The following KDM1A variants were observed in gnomAD, a reference collection of about 807,000 sequenced individuals.
KDM1A encodes the protein lysine demethylase 1A, also known as lysine-specific histone demethylase 1A.
KDM1A carries 49 observed loss-of-function variants against 109.4 expected under a neutral mutation model. That is an observed-to-expected ratio of 0.45 (90% confidence interval 0.36 to 0.57). The LOEUF (loss-of-function observed/expected upper bound fraction) is 0.57. KDM1A is among the 20% of genes least tolerant of loss of function. The pLI is 0.00. For synonymous variants in KDM1A, 380 were observed against 415.4 expected (o/e 0.91, Z 1.04); for missense variants, 668 against 1,116.6 (o/e 0.60, Z 5.73).
At chr1:23,039,181 A>C (rs1642236099) in intron 2 of KDM1A, among the ~76,000 whole-genome samples, 1 of 152,032 alleles carries the variant, frequency 6.6e-6, no homozygotes, top group Non-Finnish European at 1.5e-5. Context: ...TTTCCATTTA[A>C]TTGTATTAGC....
At chr1:23,027,413 C>CTTTT (rs34416518) in intron 1 of KDM1A, among the ~76,000 whole-genome samples, 5 of 115,296 alleles carry the variant, frequency 4.3e-5, no homozygotes, top group Non-Finnish European at 6.7e-5. Context: ...GTTTTGTTTG[C>CTTTT]TTTTTTTTTT....
chr1:23,082,631 A>G (rs1342778593), intron 20 of KDM1A: 3 of 353,468 alleles, frequency 8.5e-6, no homozygotes, highest in Admixed American at 8.5e-5. Flanking sequence ...TCCCTAAAAA[A>G]CAAAACCATT....
At chr1:23,063,869 C>G (rs958688563) in intron 9 of KDM1A, among the ~76,000 whole-genome samples, 5 of 152,110 alleles carry the variant, frequency 3.3e-5, no homozygotes, top group Non-Finnish European at 7.4e-5. Context: ...GGGAAGACAA[C>G]AGTCTCTATA....
chr1:23,071,946 C>T lies in KDM1A; in HGVS notation c.1549-178C>T, dbSNP rs532425923. 3.3e-5 allele frequency among the ~76,000 whole-genome samples: 5 copies of T among 152,194 alleles called. No homozygotes were observed. In the South Asian group the frequency reaches 1.0e-3, roughly 32 times the overall value. ...TAATATTCCAGGCCCCCAACTGTAA[C>T]TTGTCTCCAAAAACAAAAATCTCTC... On this transcript the variant is annotated intron_variant, in intron 13 of 20. Coordinates refer to ENST00000400181, the MANE Select transcript of KDM1A (RefSeq NM_001009999.3).
intron 16 of KDM1A, 67 bp from the exon 17 acceptor site, chr1:23,078,923 A>G: frequency 7.7e-7 from 1 of 1,294,796 alleles, no homozygotes; most frequent in East Asian, 2.3e-5. Flanking sequence ...GTTGTACACT[A>G]AATGTTCAGT....
intron 19 of KDM1A, chr1:23,081,891 T>C: frequency 2.4e-6 from 1 of 419,718 alleles, no homozygotes; most frequent in African/African-American, 2.0e-5. Flanking sequence ...CTCTTGGTAC[T>C]TTTTCGTGTT....
chr1:23,039,724 C>A (rs952528022), intron 2 of KDM1A, among the ~76,000 whole-genome samples: 51 of 152,304 alleles, frequency 3.3e-4, no homozygotes, highest in African/African-American at 1.2e-3. Context: ...GTTTCACTGC[C>A]TCGCAGTCTA....
chr1:23,074,840 T>C (rs2124527856), intron 15 of KDM1A, among the ~76,000 whole-genome samples: 1 of 152,358 alleles, frequency 6.6e-6, no homozygotes, highest in South Asian at 2.1e-4. Flanking sequence ...GAAAATTAAT[T>C]GGCATGTAAG....
intron 2 of KDM1A, among the ~76,000 whole-genome samples, chr1:23,036,946 A>G (rs1008604151): frequency 1.3e-5 from 2 of 152,166 alleles, no homozygotes; most frequent in Non-Finnish European, 2.9e-5. Context: ...GCTGGATTCT[A>G]AGGGTTCAAA....
In KDM1A at chr1:23,055,155, C is replaced by T. The variant is rs754447616; in HGVS notation, c.877C>T (p.Leu293=). The T allele has an allele frequency of 8.1e-6, 13 of 1,600,032 alleles. No individual in the cohort carries two copies. The African/African-American group carries it at 1.6e-4, about 20-fold the overall frequency. ...NFGIYKRIKP[L]PTKKTGKVII... is the part of the protein sequence containing the mutation. ...CGGCATCTATAAGAGGATAAAACCC[C>T]TACCAAGTAAGGACCTCCTACCTGG... The change falls in exon 6 of 21, where the codon CTA becomes TTA. Residue 293 remains leucine, a synonymous_variant. Transcript: ENST00000400181.
intron 1 of KDM1A, among the ~76,000 whole-genome samples, chr1:23,022,213 T>A (rs554326499): frequency 2.0e-5 from 3 of 152,296 alleles, no homozygotes; most frequent in East Asian, 3.9e-4. Flanking sequence ...TTATGTTAAT[T>A]CTAGGTTTTA....
At chr1:23,039,401 A>G (rs934346693) in intron 2 of KDM1A, among the ~76,000 whole-genome samples, 2 of 152,208 alleles carry the variant, frequency 1.3e-5, no homozygotes, top group Non-Finnish European at 2.9e-5. Context: ...AATTATTTCA[A>G]TAGCCTTTGA....
At chr1:23,031,297 C>G (rs1641973601) in intron 2 of KDM1A, among the ~76,000 whole-genome samples, 1 of 152,184 alleles carries the variant, frequency 6.6e-6, no homozygotes. Context: ...TTTGGAGAGA[C>G]CAAGCAAAAG....
chr1:23,058,695 A>G (rs1642911604), intron 8 of KDM1A, among the ~76,000 whole-genome samples: 1 of 152,182 alleles, frequency 6.6e-6, no homozygotes, highest in Admixed American at 6.5e-5. Context: ...AGATTAGAAT[A>G]TTATACGATG....
chr1:23,020,168 C>T (rs772240414), intron 1 of KDM1A: 65 of 431,818 alleles, frequency 1.5e-4, no homozygotes, highest in Non-Finnish European at 2.3e-4. Flanking sequence ...TCCCGAGCGA[C>T]GTGGGAAGGG....
intron 3 of KDM1A, among the ~76,000 whole-genome samples, chr1:23,048,138 A>G (rs544828037): frequency 4.6e-5 from 7 of 152,288 alleles, no homozygotes; most frequent in East Asian, 1.9e-4. Context: ...GTATATACTT[A>G]TGAATTATAC....
Position 23,027,408 on chromosome 1 carries a change from G to C in KDM1A, c.352-3061G>C, listed in dbSNP as rs866707439. On this transcript the variant is annotated intron_variant, in intron 1 of 20. Coordinates refer to ENST00000400181, the MANE Select transcript of KDM1A (RefSeq NM_001009999.3). ...GTGCAAAAGGTAGAAGGTTGGTTTT[G>C]TTTGCTTTTTTTTTTTTTTTTTTGA... 3.7e-5 allele frequency among the ~76,000 whole-genome samples: 4 copies of C among 108,998 alleles called. No individual in the cohort carries two copies. The Admixed American group carries it at 4.6e-4, about 13-fold the overall frequency. 71.5% of individuals were successfully genotyped at this position (108,998 alleles called of 152,430 possible).
intron 1 of KDM1A, 51 bp from the exon 2 acceptor site, chr1:23,030,418 A>G (rs370190039): frequency 2.2e-5 from 30 of 1,336,106 alleles, no homozygotes; most frequent in Non-Finnish European, 1.1e-5. Context: ...TAGAGTCCCT[A>G]ATTTTAAATG....
At chr1:23,081,598 G>A in intron 19 of KDM1A, 25 bp downstream of exon 19, 3 of 1,613,428 alleles carry the variant, frequency 1.9e-6, no homozygotes, top group Non-Finnish European at 2.5e-6. Context: ...GGGGCAAGGA[G>A]GGATCTAGGG....
Sources: gnomAD v4.1 joint callset for allele counts (sites outside exome capture counted in the v4.1 genomes callset) on GRCh38, gnomAD v4.1.1 for gene constraint, MANE v1.5 for transcripts, NCBI Gene and HGNC (gene_info 2026-07-23, HGNC 2026-07-21) for gene names.